SH3GL3: variants seen among roughly 807,000 people sequenced by gnomAD.
The protein encoded by SH3GL3 is SH3 domain containing GRB2 like 3, endophilin A3, also known as endophilin-A3.
Under a neutral mutation model 47.7 loss-of-function variants are expected in SH3GL3, and 33 were observed. The ratio of observed to expected loss-of-function variants is 0.69; its 90% confidence interval spans 0.52 to 0.92. SH3GL3 has a LOEUF of 0.92. Among genes scored for constraint, SH3GL3 ranks in the 40% least tolerant of loss-of-function variants. SH3GL3 has a pLI of 0.00. For missense variants in SH3GL3, 363 were observed against 417.8 expected (o/e 0.87, Z 1.14); for synonymous variants, 155 against 148.8 (o/e 1.04, Z -0.30).
intron 1 of SH3GL3, among the ~76,000 whole-genome samples, chr15:83,514,730 T>G (rs1408355866): frequency 1.3e-5 from 2 of 152,182 alleles, no homozygotes; most frequent in East Asian, 3.9e-4. Flanking sequence ...AAACTGCATT[T>G]GAGGCAGGTG....
Position 83,618,139 on chromosome 15 carries a change from A to G in SH3GL3, c.896A>G (p.Glu299Gly), listed in dbSNP as rs751036862. ...CCRGLYDFEP[E>G]NQGELGFKEG... is the part of the protein sequence containing the mutation. ...CGTGGTCTCTATGACTTTGAGCCAG[A>G]AAACCAAGGAGAATTAGGATTTAAA... The change falls in exon 9 of 9, where the codon GAA (glutamate) becomes GGA (glycine). Residue 299 changes from glutamate to glycine, a missense_variant. Glu to Gly is a moderately conservative substitution (Grantham distance 98, BLOSUM62 -2). Coordinates refer to ENST00000427482, the MANE Select transcript of SH3GL3 (RefSeq NM_003027.5). The G allele has an allele frequency of 5.0e-6, 8 of 1,613,942 alleles. No individual in the cohort carries two copies. The highest frequency in any genetic ancestry group is 6.8e-6 in the Non-Finnish European group (8 of 1,179,772).
chr15:83,600,628 C>T (rs1010531008), intron 8 of SH3GL3, among the ~76,000 whole-genome samples: 2 of 152,080 alleles, frequency 1.3e-5, no homozygotes, highest in African/African-American at 2.4e-5. Context: ...TAATGTGATG[C>T]CTCCAGATTT....
downstream of SH3GL3, among the ~76,000 whole-genome samples, chr15:83,620,154 T>C (rs914256969): frequency 2.0e-5 from 3 of 152,232 alleles, no homozygotes; most frequent in Non-Finnish European, 2.9e-5. Context: ...TCTCCTGTTA[T>C]TTCCACCACA....
At chr15:83,485,296 T>A (rs781449589) in intron 1 of SH3GL3, among the ~76,000 whole-genome samples, 22 of 152,228 alleles carry the variant, frequency 1.4e-4, no homozygotes, top group Non-Finnish European at 3.1e-4. Flanking sequence ...ATGGGTTGGA[T>A]GTTTCTTCTG....
At chr15:83,484,136 G>T (rs530374850) in intron 1 of SH3GL3, among the ~76,000 whole-genome samples, 2 of 152,206 alleles carry the variant, frequency 1.3e-5, no homozygotes. Flanking sequence ...CCCATTTTCT[G>T]CCTTCTTCTT....
intron 1 of SH3GL3, among the ~76,000 whole-genome samples, chr15:83,552,300 T>C (rs1438629129): frequency 4.6e-5 from 7 of 152,246 alleles, no homozygotes; most frequent in Non-Finnish European, 5.9e-5. Context: ...TATACAATGA[T>C]TTTTGAATAC....
intron 1 of SH3GL3, among the ~76,000 whole-genome samples, chr15:83,528,456 C>T (rs1437070479): frequency 1.3e-5 from 2 of 152,188 alleles, no homozygotes; most frequent in African/African-American, 2.4e-5. Flanking sequence ...CACTTTATGG[C>T]ATCCCATATG....
Position 83,576,671 on chromosome 15 carries a change from A to G in SH3GL3, c.554A>G (p.Gln185Arg). 6.2e-7 allele frequency: 1 copy of G among 1,613,892 alleles called. No homozygotes were observed. The highest frequency in any genetic ancestry group is 8.5e-7 in the Non-Finnish European group (1 of 1,179,804). The change falls in exon 6 of 9, where the codon CAA becomes CGA. Residue 185 changes from glutamine (Q) to arginine (R), a missense_variant. Gln to Arg is a conservative substitution (Grantham distance 43). Transcript: ENST00000427482. ...VGKIPDEEVR[Q>R]AVEKFEESKE... ...AAGATACCAGACGAAGAAGTCAGACAAGCGGTAGAAAAATTTGAAGAGTCA... is the reference window on the plus strand; with the variant it reads ...AAGATACCAGACGAAGAAGTCAGACGAGCGGTAGAAAAATTTGAAGAGTCA...
intron 1 of SH3GL3, among the ~76,000 whole-genome samples, chr15:83,521,492 A>G (rs1329057031): frequency 6.6e-6 from 1 of 152,096 alleles, no homozygotes; most frequent in Non-Finnish European, 1.5e-5. Flanking sequence ...CCCAGGAGAT[A>G]CCACAGCGCT....
At chr15:83,462,704 C>T (rs1435567201) in intron 1 of SH3GL3, among the ~76,000 whole-genome samples, 1 of 152,182 alleles carries the variant, frequency 6.6e-6, no homozygotes, top group Non-Finnish European at 1.5e-5. Flanking sequence ...TGCAGAAATG[C>T]AACTTCTAAT....
intron 7 of SH3GL3, among the ~76,000 whole-genome samples, chr15:83,588,072 G>A (rs995840718): frequency 3.3e-5 from 5 of 152,198 alleles, no homozygotes; most frequent in South Asian, 2.1e-4. Flanking sequence ...CCAGGCACTT[G>A]CTGGATGCCT....
intron 1 of SH3GL3, among the ~76,000 whole-genome samples, chr15:83,541,954 C>G (rs149452033): frequency 1.1e-4 from 17 of 152,292 alleles, no homozygotes; most frequent in Non-Finnish European, 1.9e-4. Context: ...CTTTGCTATG[C>G]AGAAACTTTT....
chr15:83,555,381 T>C (rs2151732763), intron 1 of SH3GL3, among the ~76,000 whole-genome samples: 1 of 152,382 alleles, frequency 6.6e-6, no homozygotes, highest in African/African-American at 2.4e-5. Flanking sequence ...TTATGTGATT[T>C]TGTCGGCTCT....
At chr15:83,496,643 T>C (rs540339597) in intron 1 of SH3GL3, among the ~76,000 whole-genome samples, 3 of 152,250 alleles carry the variant, frequency 2.0e-5, no homozygotes, top group African/African-American at 7.2e-5. Flanking sequence ...TCCTCTCTTA[T>C]ATTGACTGAA....
intron 1 of SH3GL3, among the ~76,000 whole-genome samples, chr15:83,470,642 T>A (rs143612149): frequency 1.3e-5 from 2 of 152,374 alleles, no homozygotes; most frequent in Non-Finnish European, 2.9e-5. Flanking sequence ...ATTACTTATA[T>A]GTTAGCGCTA....
At chr15:83,621,577 T>C (rs1191301185), downstream of SH3GL3, among the ~76,000 whole-genome samples, 2 of 152,096 alleles carry the variant, frequency 1.3e-5, no homozygotes, top group Non-Finnish European at 2.9e-5. Context: ...ACATAACCGA[T>C]ATGATAATGA....
At position 83,618,732 on chromosome 15, in the gene SH3GL3, G is replaced by A. The variant is rs546058931; in HGVS notation, c.*445G>A. On this transcript the variant is annotated 3_prime_UTR_variant, in exon 9 of 9. Coordinates refer to ENST00000427482, the MANE Select transcript of SH3GL3 (RefSeq NM_003027.5). ...AATAGCCCAATAAACATGACACACT[G>A]TGTTGGCAAAAGGCCTTGGTTATTT... is the stretch of plus-strand genomic sequence containing the variant. 1 of 171,708 alleles carries A rather than the reference G, an allele frequency of 5.8e-6. No individual in the cohort carries two copies. Among genetic ancestry groups the A allele is most frequent in the Admixed American group, 5.5e-5 (1 of 18,118 alleles). The allele number at this position is 171,708 out of a possible 1,614,324, so 10.6% of individuals were successfully genotyped here. A position where few individuals can be genotyped will look rare whatever the true frequency, so the allele number is the denominator to read the frequency against.
chr15:83,627,065 C>A, the SH3GL3 span, among the ~76,000 whole-genome samples: 2 of 152,132 alleles, frequency 1.3e-5, no homozygotes, highest in Non-Finnish European at 2.9e-5. Flanking sequence ...CAGATTATAG[C>A]TTTACCTATA....
chr15:83,626,549 A>G, the SH3GL3 span, among the ~76,000 whole-genome samples: 53,541 of 152,092 alleles, frequency 0.35, 10,338 homozygotes, highest in South Asian at 0.48. Context: ...TTCTCCAGGA[A>G]TAAGATGATA....
Sources: allele counts gnomAD v4.1 joint callset (sites outside exome capture counted in the v4.1 genomes callset), GRCh38; gene constraint gnomAD v4.1.1; transcripts MANE v1.5; gene names NCBI Gene and HGNC (gene_info 2026-07-23, HGNC 2026-07-21).